The following NAT10 variants were observed in gnomAD, a reference collection of about 807,000 sequenced individuals.
The protein encoded by NAT10 is N-acetyltransferase 10, also known as RNA cytidine acetyltransferase.
Under a neutral mutation model 132.2 loss-of-function variants are expected in NAT10, and 109 were observed. That is an observed-to-expected ratio of 0.82 (90% CI 0.71 to 0.97). NAT10 has a LOEUF of 0.97. NAT10 is among the 50% of genes least tolerant of loss of function. The pLI is 0.00. For missense variants in NAT10, 1,184 were observed against 1,263.4 expected (o/e 0.94, Z 0.95); for synonymous variants, 479 against 478.0 (o/e 1.00, Z -0.03).
At chr11:34,129,204 G>A (rs901171731) in intron 12 of NAT10, among the ~76,000 whole-genome samples, 4 of 152,172 alleles carry the variant, frequency 2.6e-5, no homozygotes, top group Admixed American at 6.5e-5. Context: ...ACCATGCGAG[G>A]AGCTGCCAGA....
chr11:34,138,573 C>G (rs1294525401), intron 21 of NAT10, among the ~76,000 whole-genome samples: 1 of 151,994 alleles, frequency 6.6e-6, no homozygotes, highest in Non-Finnish European at 1.5e-5. Context: ...CTGTCAGCTG[C>G]AAGGAGAACG....
intron 9 of NAT10, among the ~76,000 whole-genome samples, chr11:34,122,813 A>C (rs954236915): frequency 1.3e-5 from 2 of 152,240 alleles, no homozygotes; most frequent in Admixed American, 1.3e-4. Flanking sequence ...ACACAGACAC[A>C]TATATACCAG....
At chr11:34,113,636 CAAAAAAAA>C (rs34445882) in intron 4 of NAT10, 72 bp from the exon 5 acceptor site, 57 of 906,800 alleles carry the variant, frequency 6.3e-5, no homozygotes, top group Middle Eastern at 3.6e-4. Flanking sequence ...GACTCCATCT[CAAAAAAAA>C]AAAAAAAAAA....
In NAT10 at chr11:34,118,249, C is replaced by G; in HGVS notation, c.627C>G (p.Ile209Met). The change falls in exon 7 of 29, where the codon ATC (isoleucine) becomes ATG (methionine). Residue 209 changes from isoleucine (I) to methionine (M), a missense_variant. Physicochemically the swap from Ile to Met is conservative, Grantham distance 10. Transcript: ENST00000257829. ...VIDDQLNILP[I>M]SSHVATMEAL... The stretch of plus-strand genomic sequence containing the variant: ...ATGACCAGCTCAACATCCTGCCCAT[C>G]TCCTCCCACGTTGCCACCATGGAGG... 1.2e-6 allele frequency: 2 copies of G among 1,614,184 alleles called. No homozygotes were observed. The highest frequency in any genetic ancestry group is 4.5e-5 in the East Asian group (2 of 44,878).
chr11:34,127,464 A>G lies in NAT10; in HGVS notation c.1109A>G (p.Tyr370Cys). ...AATCTAAATTTTCCTTCCCCATAGT[A>G]TATACATCCTGCAGATGCTGTGAAG... ...VFREHRQTIQYIHPADAVKLG... is the reference protein window; with the variant it reads ...VFREHRQTIQCIHPADAVKLG... Residue 370 changes from tyrosine (Y) to cysteine (C), a missense_variant and splice_region_variant, in exon 12 of 29, where the codon TAT (tyrosine) becomes TGT (cysteine). Tyr to Cys is a radical substitution (Grantham distance 194, BLOSUM62 -2). Coordinates refer to ENST00000257829, the MANE Select transcript of NAT10 (RefSeq NM_024662.3). The G allele has an allele frequency of 6.2e-7, 1 of 1,612,976 alleles. No individual in the cohort carries two copies. Among genetic ancestry groups the G allele is most frequent in the Non-Finnish European group, 8.5e-7 (1 of 1,179,176 alleles).
At chr11:34,139,100 C>G (rs1222704292) in intron 21 of NAT10, 91 bp from the exon 22 acceptor site, 85 of 1,229,090 alleles carry the variant, frequency 6.9e-5, no homozygotes, top group Non-Finnish European at 8.7e-5. Context: ...AAGCACTAAG[C>G]CTTTCTTCTC....
rs59489457 is a variant in NAT10, at chr11:34,141,408, T to TCACACACACACACACA, written c.2712+228_2712+243dup. Among the ~76,000 whole-genome samples the TCACACACACACACACA allele has an allele frequency of 1.3e-3, 177 of 132,940 alleles. 1 individual carries two copies. The highest frequency in any genetic ancestry group is 4.2e-3 in the African/African-American group (149 of 35,170). 87.2% of individuals were successfully genotyped at this position (132,940 alleles called of 152,430 possible). ...TGTGTTTGCTGCATCTCATCACACA[T>TCACACACACACACACA]CACACACACACACACACACACACAC... is the stretch of plus-strand genomic sequence containing the variant. On this transcript the variant is annotated intron_variant, in intron 25 of 28. Coordinates refer to ENST00000257829, the MANE Select transcript of NAT10 (RefSeq NM_024662.3).
rs568990856 is a variant in NAT10, at chr11:34,142,241, C to CT, written c.2812-33dup. The CT allele has an allele frequency of 4.7e-4, 755 of 1,603,560 alleles. 4 individuals carry two copies. The African/African-American group carries it at 8.5e-3, about 18-fold the overall frequency. On this transcript the variant is annotated intron_variant, in intron 26 of 28. Transcript: ENST00000257829. ...CCTGTGTTTGGTTCAATCCTTGACT[C>CT]TGACTTAGTCTCTTTATGGGTCCTT... is the stretch of plus-strand genomic sequence containing the variant.
rs781693929 is a variant in NAT10, at chr11:34,130,963, C to T, written c.1369+26C>T. ...GTACCCCAGAACCTGACCCGGGTCCCGCGGTTCACAGCAAGGCCCTTCAGT... is the reference window on the plus strand; with the variant it reads ...GTACCCCAGAACCTGACCCGGGTCCTGCGGTTCACAGCAAGGCCCTTCAGT... On this transcript the variant is annotated intron_variant, in intron 13 of 28. Transcript: ENST00000257829. The T allele has an allele frequency of 5.6e-6, 9 of 1,612,628 alleles. 1 individual carries two copies. Among genetic ancestry groups the T allele is most frequent in the Admixed American group, 5.0e-5 (3 of 59,928 alleles).
At chr11:34,113,589 A>AT (rs1437687716) in intron 4 of NAT10, 127 bp from the exon 5 acceptor site, 1 of 1,188,254 alleles carries the variant, frequency 8.4e-7, no homozygotes, top group Non-Finnish European at 1.1e-6. Context: ...GTGAGCCAAG[A>AT]TTGCGCCACT....
Position 34,143,692 on chromosome 11 carries a change from G to A in NAT10, c.2969+164G>A, listed in dbSNP as rs373379948. 6.6e-5 allele frequency among the ~76,000 whole-genome samples: 10 copies of A among 152,324 alleles called. No individual in the cohort carries two copies. The East Asian group carries it at 1.2e-3, about 18-fold the overall frequency. ...CCTGGCCATTACCCTTGCAGTGCATGTCCCACAGACCAGGAGGGCCATCTC... is the reference window on the plus strand; with the variant it reads ...CCTGGCCATTACCCTTGCAGTGCATATCCCACAGACCAGGAGGGCCATCTC... On this transcript the variant is annotated intron_variant, in intron 28 of 28. Coordinates refer to ENST00000257829, the MANE Select transcript of NAT10 (RefSeq NM_024662.3).
chr11:34,146,295 C>A lies in NAT10; in HGVS notation c.*103C>A. 1.2e-6 allele frequency: 1 copy of A among 853,870 alleles called. No individual in the cohort carries two copies. Among genetic ancestry groups the A allele is most frequent in the African/African-American group, 1.7e-5 (1 of 58,160 alleles). The allele number at this position is 853,870 out of a possible 1,614,324, so 52.9% of individuals were successfully genotyped here. A position where few individuals can be genotyped will look rare whatever the true frequency, so the allele number is the denominator to read the frequency against. Reference sequence around the variant, plus strand: ...AAAAGCAACGAGAGGCCCCGGCACACCTGGAAGCTGGCCGCGAATTCGGCC... The same window carrying A: ...AAAAGCAACGAGAGGCCCCGGCACAACTGGAAGCTGGCCGCGAATTCGGCC... On this transcript the variant is annotated 3_prime_UTR_variant, in exon 29 of 29. Transcript: ENST00000257829.
At chr11:34,141,028 G>A (rs1021557266) in intron 24 of NAT10, 61 bp from the exon 25 acceptor site, 13 of 1,607,476 alleles carry the variant, frequency 8.1e-6, no homozygotes, top group African/African-American at 4.0e-5. Context: ...GGTTCTTGGC[G>A]CCATTTTAAT....
At chr11:34,123,885 T>C in intron 10 of NAT10, 30 bp downstream of exon 10, 1 of 1,545,344 alleles carries the variant, frequency 6.5e-7, no homozygotes, top group Non-Finnish European at 8.9e-7. Flanking sequence ...AATTTTTATT[T>C]TGGACCTGGT....
At chr11:34,119,114 G>A (rs1851839605) in intron 8 of NAT10, among the ~76,000 whole-genome samples, 1 of 152,250 alleles carries the variant, frequency 6.6e-6, no homozygotes. Flanking sequence ...GGGGTAATAC[G>A]TACCTGGTCT....
At chr11:34,117,668 A>G (rs1219768812) in intron 6 of NAT10, among the ~76,000 whole-genome samples, 1 of 152,152 alleles carries the variant, frequency 6.6e-6, no homozygotes, top group Admixed American at 6.5e-5. Context: ...TTATAGTCAA[A>G]CGCATTTTTT....
chr11:34,141,632 C>A, intron 25 of NAT10, 87 bp from the exon 26 acceptor site: 1 of 1,170,934 alleles, frequency 8.5e-7, no homozygotes, highest in South Asian at 1.3e-5. Flanking sequence ...GCACACCTTT[C>A]TATAAGACAC....
intron 27 of NAT10, among the ~76,000 whole-genome samples, chr11:34,143,080 A>G (rs1369982846): frequency 6.6e-6 from 1 of 152,160 alleles, no homozygotes; most frequent in African/African-American, 2.4e-5. Context: ...AAATGCTTGG[A>G]GGTGGGAGTG....
In NAT10 at chr11:34,132,238, C is replaced by A; in HGVS notation, c.1617+17C>A. On this transcript the variant is annotated intron_variant, in intron 15 of 28. Transcript: ENST00000257829. ...CACTACAAGGTAACTGCAGCTAGCCCTTGTGTGAATGGTAGCAGGGAGCTT... is the reference window on the plus strand; with the variant it reads ...CACTACAAGGTAACTGCAGCTAGCCATTGTGTGAATGGTAGCAGGGAGCTT... 6.3e-7 allele frequency: 1 copy of A among 1,594,460 alleles called. No individual in the cohort carries two copies. Among genetic ancestry groups the A allele is most frequent in the Non-Finnish European group, 8.6e-7 (1 of 1,162,238 alleles).
Sources: allele counts gnomAD v4.1 joint callset (sites outside exome capture counted in the v4.1 genomes callset), GRCh38; gene constraint gnomAD v4.1.1; transcripts MANE v1.5; gene names NCBI Gene and HGNC (gene_info 2026-07-23, HGNC 2026-07-21).